The following TSHZ2 variants were observed in gnomAD, a reference collection of about 807,000 sequenced individuals.
TSHZ2 encodes teashirt homolog 2.
A neutral mutation model predicts 74.4 loss-of-function variants in TSHZ2; 21 were observed. The observed-to-expected ratio is 0.28, with a 90% CI of 0.20 to 0.41. The LOEUF is 0.41. Among genes scored for constraint, TSHZ2 ranks in the 10% least tolerant of loss-of-function variants. The probability of loss-of-function intolerance (pLI) is 1.00; values close to 1 mark genes in which losing one functional copy is unlikely to be tolerated. For synonymous variants in TSHZ2, 540 were observed against 515.3 expected (o/e 1.05, Z -0.65); for missense variants, 1,244 against 1,293.5 (o/e 0.96, Z 0.59).
intron 1 of TSHZ2, among the ~76,000 whole-genome samples, chr20:53,131,425 C>T (rs886947875): frequency 6.6e-6 from 1 of 152,166 alleles, no homozygotes; most frequent in African/African-American, 2.4e-5. Flanking sequence ...TTCTCTAATT[C>T]CTGTTTGCAG....
chr20:53,340,326 C>T (rs200612), intron 2 of TSHZ2, among the ~76,000 whole-genome samples: 86,291 of 151,218 alleles, frequency 0.57, 26,310 homozygotes, highest in African/African-American at 0.78. Flanking sequence ...GGACTACAGG[C>T]GCCCGCCACC....
chr20:53,205,993 G>A (rs1163950697), intron 1 of TSHZ2, among the ~76,000 whole-genome samples: 38 of 152,188 alleles, frequency 2.5e-4, no homozygotes, highest in Admixed American at 2.4e-3. Flanking sequence ...GGCCAAGGCG[G>A]GTGGATCACG....
chr20:53,245,260 T>A (rs757192932), intron 1 of TSHZ2, among the ~76,000 whole-genome samples: 1 of 152,230 alleles, frequency 6.6e-6, no homozygotes, highest in Non-Finnish European at 1.5e-5. Flanking sequence ...GATTGTCTTG[T>A]CCTTCCCAAG....
intron 1 of TSHZ2, chr20:53,098,134 G>T (rs1986109349): frequency 6.6e-6 from 1 of 152,154 alleles, no homozygotes; most frequent in Non-Finnish European, 1.5e-5. Flanking sequence ...AGAATATTGT[G>T]GTTACGAGCA....
At chr20:53,317,691 G>A (rs550855620) in intron 2 of TSHZ2, among the ~76,000 whole-genome samples, 69 of 152,312 alleles carry the variant, frequency 4.5e-4, no homozygotes, top group African/African-American at 1.6e-3. Context: ...GAGTGTCGGC[G>A]TGAATTGTAT....
At chr20:53,353,988 G>A (rs781278567) in intron 2 of TSHZ2, among the ~76,000 whole-genome samples, 1 of 152,168 alleles carries the variant, frequency 6.6e-6, no homozygotes, top group Non-Finnish European at 1.5e-5. Context: ...GGGACAGTTG[G>A]TCACCCTATC....
At chr20:53,410,129 A>G (rs1262120265) in intron 2 of TSHZ2, among the ~76,000 whole-genome samples, 6 of 151,992 alleles carry the variant, frequency 3.9e-5, no homozygotes, top group South Asian at 2.1e-4. Context: ...TTACAGGCGT[A>G]AGCCACCGTG....
At chr20:53,123,267 CTT>C (rs1986861463) in intron 1 of TSHZ2, among the ~76,000 whole-genome samples, 1 of 152,226 alleles carries the variant, frequency 6.6e-6, no homozygotes, top group Non-Finnish European at 1.5e-5. Context: ...GTGCCATAAA[CTT>C]TAACATTTTT....
chr20:53,306,903 T>G (rs1600801887), intron 2 of TSHZ2, among the ~76,000 whole-genome samples: 1 of 152,190 alleles, frequency 6.6e-6, no homozygotes, highest in African/African-American at 2.4e-5. Flanking sequence ...GACACCGACA[T>G]GCTACCAAGC....
rs528853616 is a variant in TSHZ2 at position 53,254,506 on chromosome 20, G to C, written c.1048G>C (p.Ala350Pro). ...AGATTCTTTTTCTTCTCAGAAGAAC[G>C]CCAACTTGCAGTTGTCCTCCAACAA... Reference protein sequence around the residue: ...FADSFSSQKNANLQLSSNNRY... With the variant: ...FADSFSSQKNPNLQLSSNNRY... The change falls in exon 2 of 3, where the codon GCC becomes CCC. Residue 350 changes from alanine to proline, a missense_variant. Coordinates refer to ENST00000371497, the MANE Select transcript of TSHZ2 (RefSeq NM_173485.6). 6.2e-7 allele frequency: 1 copy of C among 1,614,006 alleles called. No homozygotes were observed. Among genetic ancestry groups the C allele is most frequent in the East Asian group, 2.2e-5 (1 of 44,866 alleles).
chr20:53,043,385 T>C lies in TSHZ2; in HGVS notation c.40+70052T>C, dbSNP rs866141386. On this transcript the variant is annotated intron_variant, in intron 1 of 2. Transcript: ENST00000371497. ...GGGTTTGCTACTGGCATCTATTAGG[T>C]AGAGACCAGGAATACTGATAAATAT... Among the ~76,000 whole-genome samples the C allele has an allele frequency of 2.2e-4, 33 of 152,268 alleles. 1 individual carries two copies. The highest frequency in any genetic ancestry group is 3.4e-3 in the Middle Eastern group (1 of 294).
chr20:52,993,684 C>A (rs1292945430), intron 1 of TSHZ2, among the ~76,000 whole-genome samples: 2 of 152,012 alleles, frequency 1.3e-5, no homozygotes, highest in African/African-American at 4.8e-5. Context: ...CAAGATAAAA[C>A]AGTAGCAATG....
At chr20:53,416,817 T>C (rs1479611710) in intron 2 of TSHZ2, among the ~76,000 whole-genome samples, 1 of 152,266 alleles carries the variant, frequency 6.6e-6, no homozygotes, top group Non-Finnish European at 1.5e-5. Context: ...CTGTTTTGAC[T>C]GGCACACCCC....
At position 53,065,588 on chromosome 20, in the gene TSHZ2, C is replaced by G. The variant is rs191133956; in HGVS notation, c.40+92255C>G. On this transcript the variant is annotated intron_variant, in intron 1 of 2. Transcript: ENST00000371497. ...CAACACAGTCGGGACCCAGGCAGATCGTAAATGGTTGGATTTGTCCTGTCC... is the reference window on the plus strand; with the variant it reads ...CAACACAGTCGGGACCCAGGCAGATGGTAAATGGTTGGATTTGTCCTGTCC... 2.1e-3 allele frequency among the ~76,000 whole-genome samples: 316 copies of G among 152,260 alleles called. 2 individuals carry two copies. The highest frequency in any genetic ancestry group is 3.4e-3 in the Non-Finnish European group (230 of 68,014).
At chr20:53,367,472 T>C (rs6068527) in intron 2 of TSHZ2, among the ~76,000 whole-genome samples, 2 of 152,198 alleles carry the variant, frequency 1.3e-5, no homozygotes, top group Admixed American at 1.3e-4. Flanking sequence ...TGAGTCCAGA[T>C]GGGGTTGACT....
chr20:53,049,215 CT>C (rs994659855), intron 1 of TSHZ2, among the ~76,000 whole-genome samples: 5 of 152,112 alleles, frequency 3.3e-5, no homozygotes, highest in Non-Finnish European at 7.4e-5. Context: ...AGAGGGGCCC[CT>C]AATCCCTTCT....
At chr20:53,102,837 C>T (rs1986256042) in intron 1 of TSHZ2, among the ~76,000 whole-genome samples, 1 of 151,026 alleles carries the variant, frequency 6.6e-6, no homozygotes, top group Non-Finnish European at 1.5e-5. Context: ...CCCATTAGTA[C>T]AATGAATTTT....
chr20:52,973,148 G>A lies in TSHZ2; in HGVS notation c.-146G>A. ...CCCGTGGTGGAGGAGTTGCAGGGGG[G>A]ATCGTCAGGGGGACAGAGGCCGAGT... is the stretch of plus-strand genomic sequence containing the variant. On this transcript the variant is annotated 5_prime_UTR_variant, in exon 1 of 3. Transcript: ENST00000371497. 1 of 1,013,992 alleles carries A rather than the reference G, an allele frequency of 9.9e-7. No homozygotes were observed. Among genetic ancestry groups the A allele is most frequent in the Non-Finnish European group, 1.4e-6 (1 of 695,436 alleles). The allele number at this position is 1,013,992 out of a possible 1,614,324, so 62.8% of individuals were successfully genotyped here.
chr20:53,388,481 AGGT>A, intron 2 of TSHZ2, among the ~76,000 whole-genome samples: 1 of 152,260 alleles, frequency 6.6e-6, no homozygotes. Context: ...ACAACACTGA[AGGT>A]GGGTGAAACC....
Sources: allele counts gnomAD v4.1 joint callset (sites outside exome capture counted in the v4.1 genomes callset), GRCh38; gene constraint gnomAD v4.1.1; transcripts MANE v1.5; gene names NCBI Gene and HGNC (gene_info 2026-07-23, HGNC 2026-07-21).